The following CCDC91 variants were observed in gnomAD, a reference collection of about 807,000 sequenced individuals.
CCDC91 encodes the protein coiled-coil domain containing 91.
A neutral mutation model predicts 63.2 loss-of-function variants in CCDC91; 48 were observed. That is an observed-to-expected ratio of 0.76 (90% CI 0.60 to 0.97). The LOEUF (loss-of-function observed/expected upper bound fraction) is 0.97, where lower values mean the gene tolerates loss of function less well. Among genes scored for constraint, CCDC91 ranks in the 50% least tolerant of loss-of-function variants. The pLI is 0.00. For missense variants in CCDC91, 500 were observed against 494.6 expected, an observed-to-expected ratio of 1.01 and a Z score of -0.10; for synonymous variants, 167 against 165.8, an observed-to-expected ratio of 1.01 and a Z score of -0.06.
chr12:28,439,002 T>G (rs1949046786), intron 8 of CCDC91, among the ~76,000 whole-genome samples: 2 of 152,182 alleles, frequency 1.3e-5, no homozygotes, highest in Admixed American at 6.5e-5. Flanking sequence ...TATAGAGACA[T>G]CATATGAAAA....
At chr12:28,431,706 G>T (rs1948636497) in intron 8 of CCDC91, among the ~76,000 whole-genome samples, 1 of 151,632 alleles carries the variant, frequency 6.6e-6, no homozygotes, top group African/African-American at 2.4e-5. Flanking sequence ...TGAATTCCCT[G>T]TACCTTTGTT....
chr12:28,452,310 A>G (rs1180730015), intron 10 of CCDC91, among the ~76,000 whole-genome samples, 168 bp from the exon 11 acceptor site: 1 of 151,706 alleles, frequency 6.6e-6, no homozygotes, highest in African/African-American at 2.4e-5. Flanking sequence ...ATAAAAAAGA[A>G]TAATAGATTT....
intron 8 of CCDC91, among the ~76,000 whole-genome samples, chr12:28,427,347 C>G (rs1948376770): frequency 6.6e-6 from 1 of 152,106 alleles, no homozygotes; most frequent in South Asian, 2.1e-4. Flanking sequence ...TAAGAATGCT[C>G]TGGGCATATT....
In CCDC91 at chr12:28,306,730, T is replaced by TA. The variant is rs774978046; in HGVS notation, c.268-11dup. 1.9e-6 allele frequency: 3 copies of TA among 1,566,036 alleles called. No individual in the cohort carries two copies. The highest frequency in any genetic ancestry group is 1.2e-5 in the South Asian group (1 of 84,694). On this transcript the variant is annotated splice_polypyrimidine_tract_variant and intron_variant, in intron 4 of 12. Coordinates refer to ENST00000536442, the MANE Select transcript of CCDC91 (RefSeq NM_018318.5). ...TTCCTCTCTTGTGTATTTTTTTTTT[T>TA]ATGTGGTTTAGATTCAGCAATCAAC...
intron 11 of CCDC91, among the ~76,000 whole-genome samples, chr12:28,463,139 A>T (rs1467355497): frequency 6.6e-6 from 1 of 152,210 alleles, no homozygotes; most frequent in African/African-American, 2.4e-5. Flanking sequence ...AACTACAGAA[A>T]TATGTCAAAT....
intron 12 of CCDC91, among the ~76,000 whole-genome samples, chr12:28,539,561 T>C (rs1473421958): frequency 6.6e-6 from 1 of 152,162 alleles, no homozygotes; most frequent in Non-Finnish European, 1.5e-5. Context: ...GCTTTGTTCT[T>C]TTGGCTTAGG....
intron 12 of CCDC91, among the ~76,000 whole-genome samples, chr12:28,520,257 GC>G (rs1940471200): frequency 6.6e-6 from 1 of 152,202 alleles, no homozygotes; most frequent in Non-Finnish European, 1.5e-5. Flanking sequence ...TTTAATGATT[GC>G]CATTCTAACT....
At chr12:28,509,276 A>G (rs1386966820) in intron 12 of CCDC91, among the ~76,000 whole-genome samples, 1 of 151,838 alleles carries the variant, frequency 6.6e-6, no homozygotes, top group African/African-American at 2.4e-5. Context: ...CTGTGGATAC[A>G]TGTTGGCTAG....
At chr12:28,369,933 C>T (rs1215410047) in intron 7 of CCDC91, among the ~76,000 whole-genome samples, 9 of 152,162 alleles carry the variant, frequency 5.9e-5, no homozygotes, top group African/African-American at 1.4e-4. Context: ...TAGAGCAGTG[C>T]GGCCCTGAGA....
intron 6 of CCDC91, among the ~76,000 whole-genome samples, chr12:28,327,906 A>G (rs895673045): frequency 1.3e-5 from 2 of 152,142 alleles, no homozygotes; most frequent in African/African-American, 4.8e-5. Context: ...GACCTCAGGC[A>G]TCCTGTTTCC....
chr12:28,252,279 G>C (rs1392078156), intron 1 of CCDC91, among the ~76,000 whole-genome samples: 1 of 151,604 alleles, frequency 6.6e-6, no homozygotes, highest in South Asian at 2.1e-4. Context: ...TTGGACAGTT[G>C]ATATACCCAT....
chr12:28,307,365 A>G (rs1938857836), intron 5 of CCDC91, among the ~76,000 whole-genome samples: 1 of 151,926 alleles, frequency 6.6e-6, no homozygotes, highest in Non-Finnish European at 1.5e-5. Context: ...CTGTGAATAT[A>G]TAGCAAATTT....
At chr12:28,238,097 A>G (rs1255361445) in intron 1 of CCDC91, among the ~76,000 whole-genome samples, 1 of 152,210 alleles carries the variant, frequency 6.6e-6, no homozygotes, top group Non-Finnish European at 1.5e-5. Flanking sequence ...ATAAAGAAAG[A>G]TATATTTGTA....
chr12:28,418,248 A>G (rs1947797724), intron 8 of CCDC91, among the ~76,000 whole-genome samples: 2 of 152,142 alleles, frequency 1.3e-5, no homozygotes, highest in South Asian at 4.1e-4. Flanking sequence ...AAGCCATTCT[A>G]ATAGCTTACC....
intron 12 of CCDC91, among the ~76,000 whole-genome samples, chr12:28,522,494 A>G (rs1231356356): frequency 2.6e-5 from 4 of 152,096 alleles, no homozygotes; most frequent in African/African-American, 7.2e-5. Context: ...ATAGCGGTCT[A>G]TCAATTTTAT....
At chr12:28,467,447 C>T (rs1287129393) in intron 11 of CCDC91, among the ~76,000 whole-genome samples, 8 of 151,622 alleles carry the variant, frequency 5.3e-5, no homozygotes, top group Non-Finnish European at 1.0e-4. Context: ...ACTGGAGCAC[C>T]CAGGTATATA....
chr12:28,236,475 T>C (rs543722757), intron 1 of CCDC91: 47 of 152,154 alleles, frequency 3.1e-4, no homozygotes, highest in African/African-American at 1.1e-3. Context: ...TTTGTATCTG[T>C]TATTTTTATG....
At chr12:28,229,166 G>A (rs1565641631) in intron 1 of CCDC91, among the ~76,000 whole-genome samples, 2 of 151,650 alleles carry the variant, frequency 1.3e-5, no homozygotes, top group Non-Finnish European at 2.9e-5. Context: ...TAGCTCTGGG[G>A]GTTCTACTTT....
chr12:28,445,932 G>A (rs554035763), intron 8 of CCDC91, among the ~76,000 whole-genome samples: 1 of 152,228 alleles, frequency 6.6e-6, no homozygotes, highest in South Asian at 2.1e-4. Flanking sequence ...TTGTGGGGGA[G>A]GGAGGTAAAA....
Sources: gnomAD v4.1 joint callset for allele counts (sites outside exome capture counted in the v4.1 genomes callset) on GRCh38, gnomAD v4.1.1 for gene constraint, MANE v1.5 for transcripts, NCBI Gene and HGNC (gene_info 2026-07-23, HGNC 2026-07-21) for gene names.